Variants in RETREG1 observed in about 807,000 individuals in gnomAD.
RETREG1 encodes the protein family with sequence similarity 134 member B.
A neutral mutation model predicts 54.8 loss-of-function variants in RETREG1; 44 were observed. That is an observed-to-expected ratio of 0.80 (90% CI 0.63 to 1.03). RETREG1 has a LOEUF of 1.03. Ranked by LOEUF, RETREG1 falls within the 50% of genes least tolerant of loss-of-function variation. The pLI is 0.00. For missense variants in RETREG1, 554 were observed against 605.1 expected (o/e 0.92, Z 0.89); for synonymous variants, 217 against 238.5 (o/e 0.91, Z 0.83).
intron 3 of RETREG1, among the ~76,000 whole-genome samples, chr5:16,542,997 ATTCCT>A (rs1741291215): frequency 6.6e-6 from 1 of 152,184 alleles, no homozygotes; most frequent in Non-Finnish European, 1.5e-5. Flanking sequence ...TCCCTGCACC[ATTCCT>A]TCCCTTCCAA....
intron 1 of RETREG1, among the ~76,000 whole-genome samples, chr5:16,615,775 A>G (rs1445146683): frequency 2.6e-5 from 4 of 152,206 alleles, no homozygotes; most frequent in African/African-American, 9.7e-5. Flanking sequence ...CTCAACTTTA[A>G]GGTTCAGAAA....
At chr5:16,536,346 A>G (rs1741073560) in intron 3 of RETREG1, among the ~76,000 whole-genome samples, 1 of 152,174 alleles carries the variant, frequency 6.6e-6, no homozygotes, top group African/African-American at 2.4e-5. Flanking sequence ...AGCTCTCACA[A>G]AAATGCTCTG....
intron 3 of RETREG1, among the ~76,000 whole-genome samples, chr5:16,485,007 A>G (rs779321228): frequency 3.4e-4 from 51 of 152,144 alleles, no homozygotes; most frequent in Non-Finnish European, 5.1e-4. Context: ...CTATTAAAAT[A>G]CTAAGTGCAT....
At chr5:16,503,080 ACTCT>A (rs1030567105) in intron 3 of RETREG1, among the ~76,000 whole-genome samples, 2 of 152,210 alleles carry the variant, frequency 1.3e-5, no homozygotes, top group Non-Finnish European at 1.5e-5. Flanking sequence ...AGAATTAGTC[ACTCT>A]GTGTTTATAA....
intron 3 of RETREG1, among the ~76,000 whole-genome samples, chr5:16,504,379 G>A (rs895766775): frequency 6.6e-6 from 1 of 152,150 alleles, no homozygotes; most frequent in African/African-American, 2.4e-5. Flanking sequence ...GACCTCAAGT[G>A]GTGATGTGAA....
intron 3 of RETREG1, among the ~76,000 whole-genome samples, chr5:16,532,996 T>C (rs1740956566): frequency 6.6e-6 from 1 of 152,084 alleles, no homozygotes; most frequent in Non-Finnish European, 1.5e-5. Context: ...GGTTTTAGAG[T>C]TGAATGGAAT....
intron 1 of RETREG1, among the ~76,000 whole-genome samples, chr5:16,576,281 A>AG (rs1742313847): frequency 1.4e-5 from 2 of 145,008 alleles, no homozygotes; most frequent in African/African-American, 5.2e-5. Flanking sequence ...CAAAAACAAG[A>AG]TTTTTTCTTT....
intron 3 of RETREG1, among the ~76,000 whole-genome samples, chr5:16,499,892 C>T (rs557746683): frequency 6.6e-6 from 1 of 152,368 alleles, no homozygotes; most frequent in East Asian, 1.9e-4. Context: ...AGCAAAGAAT[C>T]TGCAGTCTGG....
chr5:16,495,806 A>C (rs968483374), intron 3 of RETREG1, among the ~76,000 whole-genome samples: 4 of 151,682 alleles, frequency 2.6e-5, no homozygotes, highest in African/African-American at 9.7e-5. Flanking sequence ...GTCTCAAAAA[A>C]AAAAAATAGA....
chr5:16,581,875 G>A (rs1355716735), intron 1 of RETREG1, among the ~76,000 whole-genome samples: 1 of 152,098 alleles, frequency 6.6e-6, no homozygotes, highest in Non-Finnish European at 1.5e-5. Context: ...GGGTACCTGT[G>A]CAGGATGTGC....
intron 3 of RETREG1, among the ~76,000 whole-genome samples, chr5:16,490,832 G>A (rs1469647690): frequency 6.6e-6 from 1 of 152,184 alleles, no homozygotes; most frequent in Non-Finnish European, 1.5e-5. Flanking sequence ...GCACATTAGG[G>A]CAGTGCCACA....
chr5:16,553,674 G>A (rs9312922), intron 3 of RETREG1, among the ~76,000 whole-genome samples: 56,888 of 151,914 alleles, frequency 0.37, 10,785 homozygotes, highest in South Asian at 0.47. Context: ...GACCATGCTT[G>A]CTTCTGGCAG....
chr5:16,550,740 T>C (rs1250372883), intron 3 of RETREG1, among the ~76,000 whole-genome samples: 1 of 152,234 alleles, frequency 6.6e-6, no homozygotes, highest in Admixed American at 6.5e-5. Context: ...CGTCAACTGA[T>C]GACAAAGCAA....
rs1309055015 is a variant in RETREG1 at position 16,483,662 on chromosome 5, CTAAT to C, written c.459-194_459-191del. 2.0e-5 allele frequency among the ~76,000 whole-genome samples: 3 copies of C among 152,048 alleles called. No homozygotes were observed. The East Asian group carries it at 5.8e-4, about 29-fold the overall frequency. ...CATGTCAAAAGAAACAATTAGCTGTCTAATTAATTGTCTGTTTACAATCAGGGAA... is the reference window on the plus strand; with the variant it reads ...CATGTCAAAAGAAACAATTAGCTGTCTAATTGTCTGTTTACAATCAGGGAA... On this transcript the variant is annotated intron_variant, in intron 3 of 8. Transcript: ENST00000306320.
intron 3 of RETREG1, among the ~76,000 whole-genome samples, chr5:16,539,804 C>T (rs1275916750): frequency 6.6e-6 from 1 of 152,230 alleles, no homozygotes; most frequent in African/African-American, 2.4e-5. Context: ...GTAGTTTATT[C>T]ACCAGATGTT....
At chr5:16,605,165 A>G (rs753656828) in intron 1 of RETREG1, among the ~76,000 whole-genome samples, 1 of 152,212 alleles carries the variant, frequency 6.6e-6, no homozygotes, top group Non-Finnish European at 1.5e-5. Context: ...TCTCCACTAA[A>G]GCTTACAGCC....
At position 16,549,956 on chromosome 5, in the gene RETREG1, C is replaced by T. The variant is rs796958814; in HGVS notation, c.458+15807G>A. Among the ~76,000 whole-genome samples the T allele has an allele frequency of 4.1e-4, 63 of 152,194 alleles. 2 individuals are homozygous for T. Among genetic ancestry groups the T allele is most frequent in the African/African-American group, 1.2e-3 (51 of 41,538 alleles). ...AGAAGTAAATAGTGAAAGTACTGCT[C>T]GGGCGTTAAAGTGACATGAGATGGC... On this transcript the variant is annotated intron_variant, in intron 3 of 8. Coordinates refer to ENST00000306320, the MANE Select transcript of RETREG1 (RefSeq NM_001034850.3).
intron 3 of RETREG1, among the ~76,000 whole-genome samples, chr5:16,554,781 T>C (rs1741639056): frequency 6.6e-6 from 1 of 152,196 alleles, no homozygotes; most frequent in Non-Finnish European, 1.5e-5. Context: ...ATTCCACTGA[T>C]CCCAGTCACT....
At chr5:16,516,440 A>T (rs895393909) in intron 3 of RETREG1, among the ~76,000 whole-genome samples, 1 of 152,238 alleles carries the variant, frequency 6.6e-6, no homozygotes, top group African/African-American at 2.4e-5. Flanking sequence ...AGCACAACCG[A>T]ATCTCCAGAA....
Sources: allele counts gnomAD v4.1 joint callset (sites outside exome capture counted in the v4.1 genomes callset), GRCh38; gene constraint gnomAD v4.1.1; transcripts MANE v1.5; gene names NCBI Gene and HGNC (gene_info 2026-07-23, HGNC 2026-07-21).